THRB: variants seen among roughly 807,000 people sequenced by gnomAD.
THRB encodes the protein thyroid hormone receptor beta, also known as nuclear receptor subfamily 1 group A member 2.
Under a neutral mutation model 47.8 loss-of-function variants are expected in THRB, and 12 were observed. The observed-to-expected ratio is 0.25, with a 90% CI of 0.16 to 0.41. The LOEUF is 0.41. THRB is among the 10% of genes least tolerant of loss of function. The pLI is 1.00. For missense variants in THRB, 348 were observed against 589.2 expected, an observed-to-expected ratio of 0.59 and a Z score of 4.24; for synonymous variants, 218 against 212.2, an observed-to-expected ratio of 1.03 and a Z score of -0.24.
At chr3:24,137,568 G>A (rs1234547849) in intron 8 of THRB, among the ~76,000 whole-genome samples, 1 of 152,172 alleles carries the variant, frequency 6.6e-6, no homozygotes, top group African/African-American at 2.4e-5. Flanking sequence ...ACTCAAGGCA[G>A]AGAGGAAAGC....
At chr3:24,270,536 A>T (rs927102628) in intron 3 of THRB, among the ~76,000 whole-genome samples, 1 of 152,264 alleles carries the variant, frequency 6.6e-6, no homozygotes, top group African/African-American at 2.4e-5. Context: ...CAGACTGGCT[A>T]GAAATTAGAT....
chr3:24,218,566 A>T (rs2046851528), intron 4 of THRB, among the ~76,000 whole-genome samples: 1 of 151,654 alleles, frequency 6.6e-6, no homozygotes, highest in Non-Finnish European at 1.5e-5. Context: ...CCATTGTAGG[A>T]TCGTAATTCT....
At chr3:24,307,920 T>C (rs1357794423) in intron 2 of THRB, among the ~76,000 whole-genome samples, 1 of 152,172 alleles carries the variant, frequency 6.6e-6, no homozygotes, top group African/African-American at 2.4e-5. Flanking sequence ...TGTGGTCAAG[T>C]TAAGACTATG....
chr3:24,127,602 C>G lies in THRB; in HGVS notation c.1041G>C (p.Gly347=). 1.9e-6 allele frequency: 3 copies of G among 1,614,170 alleles called. No homozygotes were observed. Among genetic ancestry groups the G allele is most frequent in the Non-Finnish European group, 2.5e-6 (3 of 1,180,032 alleles). ...TRGQLKNGGL[G]VVSDAIFDLG... is the part of the protein sequence containing the mutation. Reference sequence around the variant, plus strand: ...GGTCAAAGATGGCGTCTGACACCACCCCAAGACCCCCATTTTTCAGCTGGC... The same window carrying G: ...GGTCAAAGATGGCGTCTGACACCACGCCAAGACCCCCATTTTTCAGCTGGC... The change falls in exon 10 of 11, where the codon GGG becomes GGC. Residue 347 remains glycine (G), a synonymous_variant. Transcript: ENST00000646209.
At chr3:24,383,719 T>C (rs2065877502) in intron 1 of THRB, among the ~76,000 whole-genome samples, 1 of 152,172 alleles carries the variant, frequency 6.6e-6, no homozygotes, top group African/African-American at 2.4e-5. Flanking sequence ...TAAGCATTCT[T>C]CTGCGTGTTT....
intron 9 of THRB, among the ~76,000 whole-genome samples, chr3:24,128,863 CTTTTTTTTTTTTTTT>C (rs57890674): frequency 2.3e-5 from 2 of 87,060 alleles, no homozygotes; most frequent in East Asian, 5.9e-4. Flanking sequence ...AAACATAACT[CTTTTTTTTTTTTTTT>C]TTTTTTTTTT....
chr3:24,316,822 C>A (rs566806536), intron 2 of THRB, among the ~76,000 whole-genome samples: 1 of 152,144 alleles, frequency 6.6e-6, no homozygotes, highest in Non-Finnish European at 1.5e-5. Flanking sequence ...TCCTCCACCC[C>A]CCAGAACACT....
intron 1 of THRB, among the ~76,000 whole-genome samples, chr3:24,353,616 T>C (rs1245965960): frequency 6.6e-6 from 1 of 151,512 alleles, no homozygotes; most frequent in East Asian, 1.9e-4. Context: ...CATTGCCAGG[T>C]GCAGGAAGGA....
At chr3:24,390,797 A>AAAAAAAAAAT (rs5847290) in intron 1 of THRB, among the ~76,000 whole-genome samples, 2 of 137,862 alleles carry the variant, frequency 1.5e-5, no homozygotes, top group African/African-American at 5.4e-5. Flanking sequence ...AAAAAAAAAA[A>AAAAAAAAAAT]ATATATATAT....
chr3:24,483,304 G>C (rs1349833860), intron 1 of THRB, among the ~76,000 whole-genome samples: 1 of 151,950 alleles, frequency 6.6e-6, no homozygotes, highest in Non-Finnish European at 1.5e-5. Flanking sequence ...AGAAATTATA[G>C]AGTAATTACT....
intron 3 of THRB, among the ~76,000 whole-genome samples, chr3:24,236,621 A>G (rs905114634): frequency 6.6e-6 from 1 of 152,170 alleles, no homozygotes; most frequent in Admixed American, 6.6e-5. Context: ...CTGTCATTAC[A>G]AAGATTAAAA....
intron 3 of THRB, among the ~76,000 whole-genome samples, chr3:24,289,914 C>G (rs1027243226): frequency 7.9e-5 from 12 of 152,166 alleles, no homozygotes; most frequent in Non-Finnish European, 1.5e-4. Context: ...ATAGATTCCC[C>G]CATCCCCAGC....
intron 3 of THRB, among the ~76,000 whole-genome samples, chr3:24,296,536 G>A (rs2056463250): frequency 6.6e-6 from 1 of 152,190 alleles, no homozygotes; most frequent in Non-Finnish European, 1.5e-5. Context: ...TTTCCCTCCA[G>A]TAATAAAAGC....
chr3:24,415,077 G>T (rs1266993766), intron 1 of THRB, among the ~76,000 whole-genome samples: 1 of 151,804 alleles, frequency 6.6e-6, no homozygotes, highest in Non-Finnish European at 1.5e-5. Flanking sequence ...GAAGAAACTT[G>T]AAGGGTAGAG....
intron 2 of THRB, among the ~76,000 whole-genome samples, chr3:24,320,627 C>T (rs1246045527): frequency 6.6e-6 from 1 of 152,066 alleles, no homozygotes; most frequent in Non-Finnish European, 1.5e-5. Context: ...AGTCAGTCTT[C>T]TGGTTGGTGT....
chr3:24,234,859 C>T (rs1004941370), intron 3 of THRB, among the ~76,000 whole-genome samples: 5 of 152,130 alleles, frequency 3.3e-5, no homozygotes, highest in East Asian at 1.9e-4. Flanking sequence ...ACTGCAGGAG[C>T]GGGGCAGGAA....
intron 1 of THRB, among the ~76,000 whole-genome samples, chr3:24,409,735 A>G (rs947284727): frequency 2.0e-5 from 3 of 151,868 alleles, no homozygotes; most frequent in Non-Finnish European, 4.4e-5. Context: ...TGAACACAAT[A>G]CTAACAAACA....
intron 1 of THRB, among the ~76,000 whole-genome samples, chr3:24,463,348 C>T (rs936094873): frequency 7.2e-5 from 11 of 152,180 alleles, no homozygotes; most frequent in African/African-American, 2.4e-4. Context: ...ACAACCTCGA[C>T]CTCCTAGGCT....
chr3:24,482,461 C>T (rs1427841955), intron 1 of THRB, among the ~76,000 whole-genome samples: 1 of 152,068 alleles, frequency 6.6e-6, no homozygotes, highest in African/African-American at 2.4e-5. Context: ...GATACCTACC[C>T]TTCCCTTCAA....
Sources: gnomAD v4.1 joint callset for allele counts (sites outside exome capture counted in the v4.1 genomes callset) on GRCh38, gnomAD v4.1.1 for gene constraint, MANE v1.5 for transcripts, NCBI Gene and HGNC (gene_info 2026-07-23, HGNC 2026-07-21) for gene names.